DCC: variants seen among roughly 807,000 people sequenced by gnomAD.
The protein encoded by DCC is DCC netrin 1 receptor.
A neutral mutation model predicts 172.5 loss-of-function variants in DCC; 58 were observed. That is an observed-to-expected ratio of 0.34 (90% CI 0.27 to 0.42). The LOEUF (loss-of-function observed/expected upper bound fraction) is 0.42. DCC is among the 10% of genes least tolerant of loss of function. DCC has a pLI of 1.00. For synonymous variants in DCC, 709 were observed against 644.5 expected (o/e 1.10, Z -1.52); for missense variants, 1,740 against 1,791.0 (o/e 0.97, Z 0.51).
At chr18:53,338,453 T>A (rs1296494290) in intron 14 of DCC, among the ~76,000 whole-genome samples, 1 of 152,074 alleles carries the variant, frequency 6.6e-6, no homozygotes, top group Admixed American at 6.6e-5. Flanking sequence ...AATACAAAAA[T>A]TAGCCAAATG....
At chr18:52,697,693 T>TA (rs34966605) in intron 1 of DCC, among the ~76,000 whole-genome samples, 6,790 of 152,256 alleles carry the variant, frequency 0.045, 209 homozygotes, top group South Asian at 0.13. Flanking sequence ...CAAATATGTA[T>TA]AGACATAGAT....
At chr18:53,342,878 A>G (rs1461870721) in intron 15 of DCC, among the ~76,000 whole-genome samples, 1 of 147,954 alleles carries the variant, frequency 6.8e-6, no homozygotes, top group African/African-American at 2.4e-5. Context: ...TATATATTTG[A>G]ATTATTTTAA....
At chr18:53,278,226 A>T (rs546926173) in intron 12 of DCC, among the ~76,000 whole-genome samples, 1 of 152,168 alleles carries the variant, frequency 6.6e-6, no homozygotes, top group Non-Finnish European at 1.5e-5. Flanking sequence ...ATTGGGAATT[A>T]TATGAGTCTA....
chr18:52,400,697 A>T (rs1325562205), intron 1 of DCC, among the ~76,000 whole-genome samples: 1 of 152,102 alleles, frequency 6.6e-6, no homozygotes, highest in Non-Finnish European at 1.5e-5. Context: ...ACCAACCCAA[A>T]TGCCCATCAG....
intron 1 of DCC, among the ~76,000 whole-genome samples, chr18:52,431,295 A>G (rs1305563739): frequency 6.6e-6 from 1 of 152,156 alleles, no homozygotes; most frequent in Admixed American, 6.6e-5. Flanking sequence ...ATGAAAAAAA[A>G]TAAGAAAAGC....
Position 52,430,375 on chromosome 18 carries a change from A to G in DCC, c.91+89497A>G, listed in dbSNP as rs1308233243. Among the ~76,000 whole-genome samples, 5 of 146,254 alleles carry G rather than the reference A, an allele frequency of 3.4e-5. No homozygotes were observed. The East Asian group carries it at 9.7e-4, about 28-fold the overall frequency. The stretch of plus-strand genomic sequence containing the variant: ...GGAGAAAAAAAAAGATGTGAATGCA[A>G]CATACTTTTACAGTACAAGAAAAAA... On this transcript the variant is annotated intron_variant, in intron 1 of 28. Transcript: ENST00000442544.
intron 5 of DCC, among the ~76,000 whole-genome samples, chr18:52,968,650 A>G (rs1429539267): frequency 9.2e-5 from 14 of 152,226 alleles, no homozygotes; most frequent in Non-Finnish European, 1.8e-4. Context: ...AACAACCAGT[A>G]AAATTATTCT....
intron 5 of DCC, among the ~76,000 whole-genome samples, chr18:53,000,590 T>C (rs1230636903): frequency 6.9e-6 from 1 of 143,886 alleles, no homozygotes; most frequent in Non-Finnish European, 1.5e-5. Flanking sequence ...ACATTCTTTT[T>C]TTTTTTTTTT....
chr18:53,252,187 T>C (rs970461060), intron 12 of DCC, among the ~76,000 whole-genome samples: 1 of 152,020 alleles, frequency 6.6e-6, no homozygotes, highest in Admixed American at 6.6e-5. Flanking sequence ...GACCTTCATT[T>C]GTTGCAAGAA....
At chr18:53,205,440 A>G in intron 10 of DCC, 76 bp downstream of exon 10, 1 of 1,474,884 alleles carries the variant, frequency 6.8e-7, no homozygotes, top group East Asian at 2.3e-5. Flanking sequence ...GGGCTGGAGA[A>G]ATAGGAAAAG....
intron 21 of DCC, among the ~76,000 whole-genome samples, chr18:53,434,444 A>G (rs563112199): frequency 2.6e-5 from 4 of 152,310 alleles, no homozygotes; most frequent in Admixed American, 1.3e-4. Flanking sequence ...GGATGATAGT[A>G]TAATTATTTC....
chr18:53,097,633 G>A (rs1029832114), intron 7 of DCC, among the ~76,000 whole-genome samples: 4 of 152,028 alleles, frequency 2.6e-5, no homozygotes, highest in African/African-American at 7.2e-5. Flanking sequence ...GGCTTCCATC[G>A]AAAATAGCAT....
At chr18:52,655,333 T>A (rs2035225367) in intron 1 of DCC, among the ~76,000 whole-genome samples, 1 of 152,166 alleles carries the variant, frequency 6.6e-6, no homozygotes, top group African/African-American at 2.4e-5. Flanking sequence ...ATTTAATACT[T>A]TGACAAATTA....
chr18:53,179,402 A>G (rs16956290), intron 9 of DCC, among the ~76,000 whole-genome samples: 274 of 152,314 alleles, frequency 1.8e-3, no homozygotes, highest in African/African-American at 6.4e-3. Context: ...TCTTCCTGAC[A>G]GTATTTTATC....
At chr18:52,961,347 T>A (rs139020508) in intron 5 of DCC, among the ~76,000 whole-genome samples, 2,046 of 152,280 alleles carry the variant, frequency 0.013, 61 homozygotes, top group African/African-American at 0.047. Flanking sequence ...GACACAATGA[T>A]AGCACTGATT....
chr18:52,593,730 G>A, intron 1 of DCC, among the ~76,000 whole-genome samples: 1 of 152,200 alleles, frequency 6.6e-6, no homozygotes, highest in Non-Finnish European at 1.5e-5. Flanking sequence ...AGGGTTCTCT[G>A]TGCGTTGTAG....
At chr18:53,099,071 A>G (rs534362892) in intron 7 of DCC, among the ~76,000 whole-genome samples, 2 of 152,226 alleles carry the variant, frequency 1.3e-5, no homozygotes, top group South Asian at 4.2e-4. Flanking sequence ...ATGCAGAATA[A>G]CGGCCTATTC....
At chr18:53,451,557 G>GT (rs1368234606) in intron 23 of DCC, among the ~76,000 whole-genome samples, 1 of 152,162 alleles carries the variant, frequency 6.6e-6, no homozygotes, top group Non-Finnish European at 1.5e-5. Flanking sequence ...CTGGTTTTAG[G>GT]TTTTTCCATT....
intron 1 of DCC, among the ~76,000 whole-genome samples, chr18:52,569,397 C>T (rs1316413381): frequency 6.6e-6 from 1 of 152,210 alleles, no homozygotes; most frequent in Non-Finnish European, 1.5e-5. Context: ...AAACTTGTCA[C>T]ATGACCGGGC....
Sources: allele counts gnomAD v4.1 joint callset (sites outside exome capture counted in the v4.1 genomes callset), GRCh38; gene constraint gnomAD v4.1.1; transcripts MANE v1.5; gene names NCBI Gene and HGNC (gene_info 2026-07-23, HGNC 2026-07-21).